The following MAPKAP1 variants were observed in gnomAD, a reference collection of about 807,000 sequenced individuals.
The protein encoded by MAPKAP1 is MAPK associated protein 1.
In MAPKAP1, 20 loss-of-function variants were observed where a neutral mutation model predicts 65.7. The ratio of observed to expected loss-of-function variants is 0.30; its 90% CI spans 0.21 to 0.44. The LOEUF is 0.44. Ranked by LOEUF, MAPKAP1 falls within the 20% of genes least tolerant of loss-of-function variation. The probability of loss-of-function intolerance (pLI) is 1.00; values close to 1 mark genes in which losing one functional copy is unlikely to be tolerated. For missense variants in MAPKAP1, 423 were observed against 648.0 expected, an observed-to-expected ratio of 0.65 and a Z score of 3.77; for synonymous variants, 222 against 244.3, an observed-to-expected ratio of 0.91 and a Z score of 0.85.
At chr9:125,599,044 A>C (rs1698961452) in intron 4 of MAPKAP1, among the ~76,000 whole-genome samples, 2 of 152,066 alleles carry the variant, frequency 1.3e-5, no homozygotes, top group South Asian at 4.1e-4. Flanking sequence ...AAAAAAAAAA[A>C]AAAAGACTTC....
intron 7 of MAPKAP1, among the ~76,000 whole-genome samples, chr9:125,536,455 C>CT (rs1830075501): frequency 6.6e-6 from 1 of 152,198 alleles, no homozygotes; most frequent in Non-Finnish European, 1.5e-5. Flanking sequence ...TGTCAGGTCT[C>CT]TGTTTCCTAT....
chr9:125,469,968 T>G (rs1853838496), intron 9 of MAPKAP1, among the ~76,000 whole-genome samples: 1 of 152,174 alleles, frequency 6.6e-6, no homozygotes. Flanking sequence ...TCTTCTTATT[T>G]TGACATTTAT....
At chr9:125,576,904 C>A (rs375479440) in intron 5 of MAPKAP1, among the ~76,000 whole-genome samples, 5 of 152,246 alleles carry the variant, frequency 3.3e-5, no homozygotes, top group African/African-American at 1.2e-4. Flanking sequence ...CTTGGCCTCC[C>A]AAAGTGCCGA....
At chr9:125,522,307 CT>C (rs1421976301) in intron 7 of MAPKAP1, among the ~76,000 whole-genome samples, 1 of 152,224 alleles carries the variant, frequency 6.6e-6, no homozygotes, top group African/African-American at 2.4e-5. Flanking sequence ...CTCAAACCAG[CT>C]TTTTTTCCTT....
At chr9:125,542,811 AAATT>A (rs1564549556) in intron 7 of MAPKAP1, 3 of 601,834 alleles carry the variant, frequency 5.0e-6, no homozygotes, top group Non-Finnish European at 9.4e-6. Flanking sequence ...AGTCTACCAC[AAATT>A]ATTAATGAAG....
chr9:125,597,264 CAAAAAAAAAAAAA>C lies in MAPKAP1; in HGVS notation c.499-11550_499-11538del, dbSNP rs35917056. Among the ~76,000 whole-genome samples, 5 of 52,658 alleles carry C rather than the reference CAAAAAAAAAAAAA, an allele frequency of 9.5e-5. No homozygotes were observed. The East Asian group carries it at 4.0e-3, about 42-fold the overall frequency. The allele number at this position is 52,658 out of a possible 152,430, so 34.5% of individuals were successfully genotyped here. ...TGGACGACAGAGCGAGACTCCGTCT[CAAAAAAAAAAAAA>C]AAAAAAAAAAAAAAAGCTTGGCCTG... On this transcript the variant is annotated intron_variant, in intron 4 of 11. Transcript: ENST00000265960.
intron 1 of MAPKAP1, among the ~76,000 whole-genome samples, chr9:125,686,455 T>C (rs961918051): frequency 3.3e-5 from 5 of 152,196 alleles, no homozygotes; most frequent in Non-Finnish European, 7.3e-5. Context: ...AAGTGACTTC[T>C]TTAAACCTCA....
intron 8 of MAPKAP1, among the ~76,000 whole-genome samples, chr9:125,491,329 A>G (rs897714346): frequency 1.3e-5 from 2 of 151,976 alleles, no homozygotes; most frequent in Non-Finnish European, 1.5e-5. Context: ...CTGTACTCCC[A>G]GCTACTGAGG....
chr9:125,521,861 G>T, intron 7 of MAPKAP1: 1 of 1,128,906 alleles, frequency 8.9e-7, no homozygotes, highest in Non-Finnish European at 1.3e-6. Context: ...CTGAGTCAGT[G>T]GAGAGCAAGC....
intron 9 of MAPKAP1, chr9:125,478,320 A>AT (rs1191133417): frequency 1.3e-5 from 2 of 152,010 alleles, no homozygotes; most frequent in Non-Finnish European, 1.5e-5. Flanking sequence ...CAGTTGAGTT[A>AT]TTTTTTCTTT....
In MAPKAP1 at chr9:125,447,453, C is replaced by T. The variant is rs1478715862; in HGVS notation, c.1346-2855G>A. ...GGTGGACAGCCACAGCAGACAGCCC[C>T]CTCTTGCTCTCTGCAAGGAGTGATG... On this transcript the variant is annotated intron_variant, in intron 10 of 11. Coordinates refer to ENST00000265960, the MANE Select transcript of MAPKAP1 (RefSeq NM_001006617.3). The surrounding 1 kb of genome is among the most constrained non-coding windows in gnomAD (Gnocchi z 4.5). 4.4e-6 allele frequency: 2 copies of T among 456,666 alleles called. No individual in the cohort carries two copies. Among genetic ancestry groups the T allele is most frequent in the Middle Eastern group, 3.3e-4 (1 of 3,076 alleles). The allele number at this position is 456,666 out of a possible 1,614,324, so 28.3% of individuals were successfully genotyped here.
chr9:125,610,749 G>A (rs1300816355), intron 4 of MAPKAP1, among the ~76,000 whole-genome samples: 2 of 152,160 alleles, frequency 1.3e-5, no homozygotes, highest in Non-Finnish European at 2.9e-5. Context: ...ATTATTTGAT[G>A]GACCAGAAAG....
chr9:125,470,609 C>T (rs1482975584), intron 9 of MAPKAP1, among the ~76,000 whole-genome samples: 1 of 152,234 alleles, frequency 6.6e-6, no homozygotes, highest in Admixed American at 6.5e-5. Context: ...CCAGCAGTAT[C>T]TCTGCATCAA....
intron 8 of MAPKAP1, among the ~76,000 whole-genome samples, chr9:125,500,799 T>A (rs1263828431): frequency 1.3e-5 from 2 of 152,192 alleles, no homozygotes; most frequent in African/African-American, 4.8e-5. Flanking sequence ...CCACTTTATT[T>A]GTATAACAAG....
At chr9:125,522,625 C>T (rs1207858423) in intron 7 of MAPKAP1, among the ~76,000 whole-genome samples, 2 of 152,220 alleles carry the variant, frequency 1.3e-5, no homozygotes, top group African/African-American at 4.8e-5. Flanking sequence ...GTAATGGTTT[C>T]CCAACCTTCT....
chr9:125,666,927 A>C (rs971407134), intron 3 of MAPKAP1, among the ~76,000 whole-genome samples: 2 of 152,208 alleles, frequency 1.3e-5, no homozygotes, highest in Non-Finnish European at 2.9e-5. Context: ...AATGACTACC[A>C]GGCAGGCTGC....
chr9:125,574,616 A>G (rs144744276), intron 5 of MAPKAP1, among the ~76,000 whole-genome samples: 12 of 152,370 alleles, frequency 7.9e-5, no homozygotes, highest in African/African-American at 2.9e-4. Context: ...CAGGTCAAAC[A>G]CTGCCAAATA....
chr9:125,603,793 G>GT (rs1256553661), intron 4 of MAPKAP1, among the ~76,000 whole-genome samples: 1 of 151,980 alleles, frequency 6.6e-6, no homozygotes, highest in African/African-American at 2.4e-5. Context: ...CAGGACAAAG[G>GT]TTAATTGCAA....
intron 4 of MAPKAP1, among the ~76,000 whole-genome samples, chr9:125,652,436 C>T (rs1833921735): frequency 6.6e-6 from 1 of 152,166 alleles, no homozygotes; most frequent in African/African-American, 2.4e-5. Context: ...TAAGGAACTG[C>T]TTCTATCAAC....
Sources: allele counts gnomAD v4.1 joint callset (sites outside exome capture counted in the v4.1 genomes callset), GRCh38; gene constraint gnomAD v4.1.1; non-coding constraint Gnocchi (gnomAD v3.1); transcripts MANE v1.5; gene names NCBI Gene and HGNC (gene_info 2026-07-23, HGNC 2026-07-21).